Variants in AK8 observed in about 807,000 individuals in gnomAD.
AK8 encodes ATP-AMP transphosphorylase 8.
In AK8, 44 loss-of-function variants were observed where a neutral mutation model predicts 54.6. The observed-to-expected ratio is 0.81, with a 90% confidence interval of 0.63 to 1.04. AK8 has a LOEUF of 1.04. AK8 is among the 50% of genes least tolerant of loss of function. The pLI is 0.00. For synonymous variants in AK8, 239 were observed against 245.6 expected, an observed-to-expected ratio of 0.97 and a Z score of 0.25; for missense variants, 555 against 613.6, an observed-to-expected ratio of 0.90 and a Z score of 1.01.
At chr9:132,766,151 G>T (rs538916783) in intron 11 of AK8, among the ~76,000 whole-genome samples, 1 of 152,314 alleles carries the variant, frequency 6.6e-6, no homozygotes, top group African/African-American at 2.4e-5. Context: ...TTGCTCTGTT[G>T]CTGAAGCTGG....
intron 8 of AK8, among the ~76,000 whole-genome samples, chr9:132,825,639 C>T (rs1336847649): frequency 6.6e-6 from 1 of 152,156 alleles, no homozygotes; most frequent in African/African-American, 2.4e-5. Flanking sequence ...CGAGGCTGTT[C>T]AATCCACGCC....
intron 10 of AK8, among the ~76,000 whole-genome samples, chr9:132,802,116 C>T (rs1011027066): frequency 3.3e-5 from 5 of 152,196 alleles, no homozygotes; most frequent in East Asian, 1.9e-4. Context: ...TCCAAAGCCA[C>T]GGAGGTATTG....
intron 9 of AK8, among the ~76,000 whole-genome samples, chr9:132,815,994 G>C (rs1370884123): frequency 6.6e-6 from 1 of 152,174 alleles, no homozygotes; most frequent in Non-Finnish European, 1.5e-5. Flanking sequence ...AATGACAGCA[G>C]TTGTCATTTA....
intron 5 of AK8, among the ~76,000 whole-genome samples, chr9:132,853,315 G>A (rs1188234002): frequency 2.8e-5 from 4 of 141,642 alleles, no homozygotes; most frequent in East Asian, 2.0e-4. Flanking sequence ...CCGAGATTAT[G>A]CCGCTGCACT....
chr9:132,749,500 G>T (rs1258277246), intron 11 of AK8, among the ~76,000 whole-genome samples: 1 of 151,856 alleles, frequency 6.6e-6, no homozygotes, highest in Non-Finnish European at 1.5e-5. Flanking sequence ...CTCTCACTGC[G>T]TCTTCATGGC....
chr9:132,805,310 T>C (rs1840668830), intron 10 of AK8, among the ~76,000 whole-genome samples: 1 of 152,210 alleles, frequency 6.6e-6, no homozygotes, highest in Admixed American at 6.5e-5. Flanking sequence ...TCTGGATGCC[T>C]GATACACAGC....
chr9:132,827,683 G>A (rs1841931827), intron 7 of AK8, among the ~76,000 whole-genome samples: 1 of 152,214 alleles, frequency 6.6e-6, no homozygotes, highest in Non-Finnish European at 1.5e-5. Flanking sequence ...TGTCAAGGGG[G>A]CACATAATTT....
At chr9:132,852,769 C>CAAAAAAAAAAAAAAAAAAAAA (rs35786801) in intron 5 of AK8, among the ~76,000 whole-genome samples, 1 of 16,414 alleles carries the variant, frequency 6.1e-5, no homozygotes, top group Non-Finnish European at 1.3e-4. Flanking sequence ...GATTAGGTCT[C>CAAAAAAAAAAAAAAAAAAAAA]AAAAAAAAAA....
chr9:132,753,150 A>G (rs1392371420), intron 11 of AK8, among the ~76,000 whole-genome samples: 1 of 152,202 alleles, frequency 6.6e-6, no homozygotes, highest in Non-Finnish European at 1.5e-5. Context: ...TCCCAGGAGG[A>G]AGGAGCCAGG....
chr9:132,869,915 G>A (rs1843743927), intron 2 of AK8, among the ~76,000 whole-genome samples: 2 of 152,146 alleles, frequency 1.3e-5, no homozygotes, highest in Non-Finnish European at 2.9e-5. Context: ...TGATGAGGGA[G>A]CAGTGGGGAA....
rs754920514 is a variant in AK8, at chr9:132,725,887, A to G, written c.1241T>C (p.Ile414Thr). 11 of 1,611,782 alleles carry G rather than the reference A, an allele frequency of 6.8e-6. No homozygotes were observed. Among genetic ancestry groups the G allele is most frequent in the Middle Eastern group, 1.8e-4 (1 of 5,548 alleles). Residue 414 changes from isoleucine (I) to threonine (T), a missense_variant, in exon 13 of 13, where the codon ATC becomes ACC. Coordinates refer to ENST00000298545, the MANE Select transcript of AK8 (RefSeq NM_152572.3). ...TGGGTTCTGCAGGAGGCGAGCCTGG[A>G]TCTCCATGGTGGGAGGTGGCTTGTA... is the stretch of plus-strand genomic sequence containing the variant. ...LMYKPPPTME[I>T]QARLLQNPKD... is the part of the protein sequence containing the mutation.
chr9:132,782,022 T>C (rs1384256585), intron 11 of AK8, among the ~76,000 whole-genome samples: 1 of 152,208 alleles, frequency 6.6e-6, no homozygotes, highest in Admixed American at 6.5e-5. Flanking sequence ...ATCTACATTG[T>C]AAATCAAGAT....
At chr9:132,853,317 C>T (rs559541811) in intron 5 of AK8, among the ~76,000 whole-genome samples, 28 of 144,086 alleles carry the variant, frequency 1.9e-4, no homozygotes, top group Admixed American at 4.3e-4. Flanking sequence ...GAGATTATGC[C>T]GCTGCACTCC....
chr9:132,868,100 C>G (rs73550640), intron 2 of AK8, among the ~76,000 whole-genome samples: 189 of 152,320 alleles, frequency 1.2e-3, no homozygotes, highest in African/African-American at 3.3e-3. Context: ...GACAGATGAA[C>G]AGATGTCCAC....
chr9:132,798,150 C>T (rs939953817), intron 10 of AK8, among the ~76,000 whole-genome samples: 2 of 152,218 alleles, frequency 1.3e-5, no homozygotes, highest in African/African-American at 4.8e-5. Flanking sequence ...TCTGAGGCTA[C>T]CGACCTTTCC....
rs576310899 is a variant in AK8 at position 132,878,256 on chromosome 9, G to A, written c.-1C>T. 2.4e-5 allele frequency: 33 copies of A among 1,371,066 alleles called. No homozygotes were observed. The South Asian group carries it at 6.4e-4, about 27-fold the overall frequency. 84.9% of individuals were successfully genotyped at this position (1,371,066 alleles called of 1,614,324 possible). On this transcript the variant is annotated 5_prime_UTR_variant, in exon 1 of 13. Transcript: ENST00000298545. The surrounding 1 kb of genome is among the most constrained non-coding windows in gnomAD (Gnocchi z 4.7). ...GGTGCGGGGCGATAGTGGCGTCCAT[G>A]TAGCCGTCTCGGCTCGCCGCTCCCT...
chr9:132,868,900 G>C (rs1260016741), intron 2 of AK8, among the ~76,000 whole-genome samples: 1 of 152,150 alleles, frequency 6.6e-6, no homozygotes, highest in Non-Finnish European at 1.5e-5. Context: ...AAGAAGAAAA[G>C]GGGGTTGATT....
rs188192235 is a variant in AK8 at position 132,866,595 on chromosome 9, G to A, written c.219+309C>T. On this transcript the variant is annotated intron_variant, in intron 3 of 12. Coordinates refer to ENST00000298545, the MANE Select transcript of AK8 (RefSeq NM_152572.3). ...ACCCAGCACGTGTACTTCTGGAAAC[G>A]TACCCTAAGGATATAGCGAAGGGTG... Among the ~76,000 whole-genome samples, 252 of 152,242 alleles carry A rather than the reference G, an allele frequency of 1.7e-3. 1 individual carries two copies. The highest frequency in any genetic ancestry group is 5.7e-3 in the African/African-American group (237 of 41,534).
At chr9:132,764,059 T>C (rs558036145) in intron 11 of AK8, among the ~76,000 whole-genome samples, 1 of 152,192 alleles carries the variant, frequency 6.6e-6, no homozygotes, top group Non-Finnish European at 1.5e-5. Flanking sequence ...TGTCCTAGCA[T>C]TTTGGGAGGC....
Sources: allele counts gnomAD v4.1 joint callset (sites outside exome capture counted in the v4.1 genomes callset), GRCh38; gene constraint gnomAD v4.1.1; non-coding constraint Gnocchi (gnomAD v3.1); transcripts MANE v1.5; gene names NCBI Gene and HGNC (gene_info 2026-07-23, HGNC 2026-07-21).